Variants in ZDHHC24 observed in about 807,000 individuals in gnomAD.
ZDHHC24 encodes the protein probable palmitoyltransferase ZDHHC24.
In ZDHHC24, 17 loss-of-function variants were observed where a neutral mutation model predicts 23.2. That is an observed-to-expected ratio of 0.73 (90% confidence interval 0.50 to 1.10). The LOEUF is 1.10. ZDHHC24 is among the 50% of genes least tolerant of loss of function. The pLI, the probability that ZDHHC24 is intolerant of heterozygous loss-of-function variation, is 0.00. For synonymous variants in ZDHHC24, 186 were observed against 194.5 expected, an observed-to-expected ratio of 0.96 and a Z score of 0.36; for missense variants, 366 against 393.0, an observed-to-expected ratio of 0.93 and a Z score of 0.58.
At chr11:66,543,163 C>G (rs558037623) in intron 2 of ZDHHC24, among the ~76,000 whole-genome samples, 1 of 152,212 alleles carries the variant, frequency 6.6e-6, no homozygotes, top group South Asian at 2.1e-4. Flanking sequence ...ACATATGTGT[C>G]GTCTAGAACA....
downstream of ZDHHC24, among the ~76,000 whole-genome samples, chr11:66,535,565 A>G (rs943979848): frequency 1.3e-5 from 2 of 152,108 alleles, no homozygotes; most frequent in African/African-American, 2.4e-5. Flanking sequence ...TTGATAGTGC[A>G]TGTATAATAG....
chr11:66,539,416 G>A lies in ZDHHC24; in HGVS notation c.*113C>T. ...GGGCAGGGGCAAGGCCAAGGAAGGG[G>A]TGGAGTTGTCCAATGCAGATGTTAA... On this transcript the variant is annotated 3_prime_UTR_variant, in exon 3 of 3. Transcript: ENST00000310442. The A allele has an allele frequency of 7.2e-7, 1 of 1,395,906 alleles. No homozygotes were observed. The highest frequency in any genetic ancestry group is 9.3e-7 in the Non-Finnish European group (1 of 1,077,672). 86.5% of individuals were successfully genotyped at this position (1,395,906 alleles called of 1,614,324 possible).
chr11:66,539,131 A>C lies in ZDHHC24; in HGVS notation c.*398T>G. On this transcript the variant is annotated 3_prime_UTR_variant, in exon 3 of 3. Coordinates refer to ENST00000310442, the MANE Select transcript of ZDHHC24 (RefSeq NM_207340.3). ...GCCCCACCCCCAACTCACCCAGGCC[A>C]GGGGAGGTAGAGCCCCAGCCCCTGA... 1.5e-6 allele frequency: 1 copy of C among 666,388 alleles called. No homozygotes were observed. Among genetic ancestry groups the C allele is most frequent in the Non-Finnish European group, 1.9e-6 (1 of 534,752 alleles). The allele number at this position is 666,388 out of a possible 1,614,324, so 41.3% of individuals were successfully genotyped here.
At chr11:66,527,201 C>T (rs1421434411) in intron 3 of ZDHHC24, 8 of 541,920 alleles carry the variant, frequency 1.5e-5, no homozygotes, top group South Asian at 2.4e-5. Context: ...AATGATACTT[C>T]TTTCTCAAAA....
chr11:66,542,868 T>C (rs1590795949), intron 2 of ZDHHC24: 1 of 152,874 alleles, frequency 6.5e-6, no homozygotes, highest in Non-Finnish European at 1.5e-5. Flanking sequence ...GAAGCTGGTG[T>C]GGGCAGATGA....
At chr11:66,523,227 A>G in intron 4 of ZDHHC24, 1 of 658,620 alleles carries the variant, frequency 1.5e-6, no homozygotes, top group South Asian at 1.5e-5. Context: ...ACCATAGTGA[A>G]GGTGGGAGGA....
chr11:66,529,034 T>C (rs1473999015), intron 3 of ZDHHC24: 6 of 946,296 alleles, frequency 6.3e-6, no homozygotes, highest in Non-Finnish European at 7.5e-6. Context: ...CAAAAATTAA[T>C]TCTGGATAGA....
chr11:66,521,287 C>A, exon 5 of ZDHHC24: 1 of 1,614,178 alleles, frequency 6.2e-7, no homozygotes, highest in East Asian at 2.2e-5. Context: ...TTCCCAGCGT[C>A]CCCGTCTTCC....
At chr11:66,531,694 G>A, downstream of ZDHHC24, 1 of 1,614,128 alleles carries the variant, frequency 6.2e-7, no homozygotes, top group Non-Finnish European at 8.5e-7. Context: ...ACCCCCTGGA[G>A]ACCTTTGTGG....
downstream of ZDHHC24, chr11:66,532,915 A>G (rs1015088456): frequency 6.6e-6 from 1 of 152,254 alleles, no homozygotes; most frequent in Non-Finnish European, 1.5e-5. Context: ...AACTGCCCAT[A>G]TAGATGCCCT....
rs774942506 is a variant in ZDHHC24 at position 66,523,620 on chromosome 11, T to C, written c.*22-2154A>G. 6 of 1,613,424 alleles carry C rather than the reference T, an allele frequency of 3.7e-6. 1 individual carries two copies. In the South Asian group the frequency reaches 4.4e-5, roughly 12 times the overall value. ...AGCAGCCCCTCCACGCCTATGTCCCTAGCCCCCACTTGGCAAGAGAGTCCT... is the reference window on the plus strand; with the variant it reads ...AGCAGCCCCTCCACGCCTATGTCCCCAGCCCCCACTTGGCAAGAGAGTCCT... On this transcript the variant is annotated intron_variant, in intron 4 of 4. Coordinates refer to the ZDHHC24 transcript ENST00000526986.
At chr11:66,534,549 G>A (rs902889829), downstream of ZDHHC24, among the ~76,000 whole-genome samples, 1 of 148,438 alleles carries the variant, frequency 6.7e-6, no homozygotes, top group Admixed American at 6.8e-5. Context: ...TGTAATCCCA[G>A]CCCTTTGAGA....
In ZDHHC24 at chr11:66,539,550, A is replaced by C; in HGVS notation, c.834T>G (p.Asp278Glu). 6.3e-7 allele frequency: 1 copy of C among 1,589,894 alleles called. No individual in the cohort carries two copies. Among genetic ancestry groups the C allele is most frequent in the South Asian group, 1.1e-5 (1 of 88,104 alleles). Residue 278 changes from aspartate to glutamate, a missense_variant, in exon 3 of 3, where the codon GAT becomes GAG. By Grantham distance (45) the Asp-to-Glu change is conservative. Coordinates refer to ENST00000310442, the MANE Select transcript of ZDHHC24 (RefSeq NM_207340.3). ...GGAGTCAGGAGGCTGTGTGTCCCACATCTGCTGTGGTCTGGAAGGTGATCC... is the reference window on the plus strand; with the variant it reads ...GGAGTCAGGAGGCTGTGTGTCCCACCTCTGCTGTGGTCTGGAAGGTGATCC... ...GDGITFQTTADVGHTAS is the reference protein window; with the variant it reads ...GDGITFQTTAEVGHTAS
At chr11:66,524,266 C>T (rs1054603643) in intron 4 of ZDHHC24, 4 of 324,272 alleles carry the variant, frequency 1.2e-5, no homozygotes, top group Middle Eastern at 1.1e-3. Context: ...GACAACAGAG[C>T]GAGACTCCAT....
rs755694656 is a variant in ZDHHC24, at chr11:66,526,937, TC to T, written c.*19del. Reference sequence around the variant, plus strand: ...CGGCCAACTAGGTAGGTCACTCACCTCTGCAAATCCAGGGACAGCCTAGGAG... The same window carrying T: ...CGGCCAACTAGGTAGGTCACTCACCTTGCAAATCCAGGGACAGCCTAGGAG... On this transcript the variant is annotated splice_region_variant and 3_prime_UTR_variant, in exon 4 of 5. Coordinates refer to the ZDHHC24 transcript ENST00000526986. The T allele has an allele frequency of 3.1e-6, 5 of 1,594,084 alleles. No homozygotes were observed. The African/African-American group carries it at 6.7e-5, about 21-fold the overall frequency.
chr11:66,532,297 C>A, downstream of ZDHHC24: 1 of 543,492 alleles, frequency 1.8e-6, no homozygotes, highest in Non-Finnish European at 3.3e-6. Context: ...CCTCCCCAGC[C>A]TTTTCCAGAA....
intron 4 of ZDHHC24, among the ~76,000 whole-genome samples, chr11:66,525,368 A>C (rs899302264): frequency 6.6e-6 from 1 of 151,700 alleles, no homozygotes; most frequent in African/African-American, 2.4e-5. Flanking sequence ...CAAAACAAAA[A>C]AACAAAACAA....
chr11:66,521,141 G>C, exon 5 of ZDHHC24: 2 of 753,072 alleles, frequency 2.7e-6, no homozygotes, highest in Non-Finnish European at 4.7e-6. Context: ...AAAACTGTAT[G>C]AGTTTAAACT....
In ZDHHC24 at chr11:66,537,665, A is replaced by G. The variant is rs1030274379; in HGVS notation, c.*1864T>C. 1.3e-5 allele frequency: 2 copies of G among 151,492 alleles called. No homozygotes were observed. Among genetic ancestry groups the G allele is most frequent in the Non-Finnish European group, 2.9e-5 (2 of 67,986 alleles). The allele number at this position is 151,492 out of a possible 1,614,324, so 9.4% of individuals were successfully genotyped here. A position where few individuals can be genotyped will look rare whatever the true frequency, so the allele number is the denominator to read the frequency against. On this transcript the variant is annotated 3_prime_UTR_variant, in exon 3 of 3. Coordinates refer to ENST00000310442, the MANE Select transcript of ZDHHC24 (RefSeq NM_207340.3). ...CCTGGCCGGCCAGGAGTGGTGGCTC[A>G]CACCTGTAATCCCAGCACTTTGGGA...
Sources: allele counts gnomAD v4.1 joint callset (sites outside exome capture counted in the v4.1 genomes callset), GRCh38; gene constraint gnomAD v4.1.1; transcripts MANE v1.5; gene names NCBI Gene and HGNC (gene_info 2026-07-23, HGNC 2026-07-21).